CHL1: variants seen among roughly 807,000 people sequenced by gnomAD.
The protein encoded by CHL1 is neural cell adhesion molecule L1-like protein.
A neutral mutation model predicts 141.9 loss-of-function variants in CHL1; 96 were observed. That is an observed-to-expected ratio of 0.68 (90% CI 0.57 to 0.80). The LOEUF is 0.80. Ranked by LOEUF, CHL1 falls within the 30% of genes least tolerant of loss-of-function variation. CHL1 has a pLI of 0.00. For synonymous variants in CHL1, 613 were observed against 502.2 expected (o/e 1.22, Z -2.95); for missense variants, 1,820 against 1,457.2 (o/e 1.25, Z -4.05).
intron 3 of CHL1, among the ~76,000 whole-genome samples, chr3:323,921 T>G (rs1176558856): frequency 1.3e-5 from 2 of 152,142 alleles, no homozygotes; most frequent in Non-Finnish European, 2.9e-5. Flanking sequence ...GTAATGCCCT[T>G]CTTCTCATAA....
At chr3:200,396 T>C (rs1229831726) in intron 1 of CHL1, among the ~76,000 whole-genome samples, 1 of 152,198 alleles carries the variant, frequency 6.6e-6, no homozygotes, top group East Asian at 1.9e-4. Context: ...TGAACTTGTC[T>C]CTGTACTGAG....
intron 2 of CHL1, among the ~76,000 whole-genome samples, chr3:258,636 T>C (rs1480794412): frequency 1.3e-5 from 2 of 152,224 alleles, no homozygotes; most frequent in African/African-American, 4.8e-5. Flanking sequence ...CATGAGATAA[T>C]GTCAGTCCCT....
chr3:222,869 A>G (rs1016918918), intron 1 of CHL1, among the ~76,000 whole-genome samples: 2 of 152,094 alleles, frequency 1.3e-5, no homozygotes, highest in Non-Finnish European at 2.9e-5. Flanking sequence ...TTGGGGTGAA[A>G]TTCTCTGTGT....
intron 13 of CHL1, 75 bp from the exon 14 acceptor site, chr3:363,141 AC>A: frequency 8.4e-7 from 1 of 1,196,398 alleles, no homozygotes; most frequent in African/African-American, 1.5e-5. Context: ...AGCCTGAATG[AC>A]GTCACTGACT....
At chr3:198,888 A>C (rs1271712485) in intron 1 of CHL1, among the ~76,000 whole-genome samples, 3 of 152,220 alleles carry the variant, frequency 2.0e-5, no homozygotes, top group Non-Finnish European at 4.4e-5. Flanking sequence ...AGAGAAACTG[A>C]TCAACTGCCG....
rs1559370343 is a variant in CHL1 at position 406,699 on chromosome 3, A to G, written c.*988A>G. On this transcript the variant is annotated 3_prime_UTR_variant, in exon 28 of 28. Coordinates refer to ENST00000256509, the MANE Select transcript of CHL1 (RefSeq NM_006614.4). Reference sequence around the variant, plus strand: ...CATTAACAGGCATGTTTGTACAGCTAGAATATATTAGTAAGATACTGTTTT... The same window carrying G: ...CATTAACAGGCATGTTTGTACAGCTGGAATATATTAGTAAGATACTGTTTT... The G allele has an allele frequency of 2.0e-5, 3 of 152,270 alleles. No homozygotes were observed. In the East Asian group the frequency reaches 5.8e-4, roughly 29 times the overall value. 9.4% of individuals were successfully genotyped at this position (152,270 alleles called of 1,614,324 possible). A position where few individuals can be genotyped will look rare whatever the true frequency, so the allele number is the denominator to read the frequency against.
chr3:318,977 C>A (rs983000888), intron 2 of CHL1, among the ~76,000 whole-genome samples: 1 of 151,542 alleles, frequency 6.6e-6, no homozygotes, highest in Admixed American at 6.6e-5. Flanking sequence ...TACTACACAG[C>A]CATATAAAGA....
At chr3:242,357 G>C (rs538509885) in intron 1 of CHL1, among the ~76,000 whole-genome samples, 20 of 148,044 alleles carry the variant, frequency 1.4e-4, no homozygotes, top group Non-Finnish European at 2.2e-4. Flanking sequence ...AGCACTTTGG[G>C]AGGCTGAGGG....
chr3:288,811 C>A (rs777774972), intron 2 of CHL1, among the ~76,000 whole-genome samples: 3 of 152,146 alleles, frequency 2.0e-5, no homozygotes, highest in Non-Finnish European at 4.4e-5. Context: ...GTGAAGACAG[C>A]TTATCATTAA....
chr3:292,397 G>A (rs1481968577), intron 2 of CHL1, among the ~76,000 whole-genome samples: 1 of 152,146 alleles, frequency 6.6e-6, no homozygotes, highest in Admixed American at 6.5e-5. Context: ...CTTATGGAAA[G>A]CAAGAATCAG....
At chr3:342,714 C>A (rs1702436066) in intron 7 of CHL1, among the ~76,000 whole-genome samples, 1 of 151,928 alleles carries the variant, frequency 6.6e-6, no homozygotes, top group Non-Finnish European at 1.5e-5. Context: ...TGTAGATATG[C>A]CATGCCAGGG....
At chr3:340,671 G>T in intron 5 of CHL1, 123 bp from the exon 6 acceptor site, 1 of 777,248 alleles carries the variant, frequency 1.3e-6, no homozygotes, top group Non-Finnish European at 2.0e-6. Context: ...GTAAGAACCA[G>T]GATCTGTAGC....
At chr3:401,902 C>A (rs1292283719) in intron 27 of CHL1, among the ~76,000 whole-genome samples, 1 of 152,144 alleles carries the variant, frequency 6.6e-6, no homozygotes, top group Non-Finnish European at 1.5e-5. Flanking sequence ...AAATAATTAC[C>A]GTCTAGGCAG....
At chr3:302,310 G>C (rs1698825636) in intron 2 of CHL1, among the ~76,000 whole-genome samples, 1 of 152,164 alleles carries the variant, frequency 6.6e-6, no homozygotes, top group Non-Finnish European at 1.5e-5. Context: ...GCATCCTTAA[G>C]GAATTGCCAC....
chr3:223,589 T>C (rs1190657537), intron 1 of CHL1, among the ~76,000 whole-genome samples: 1 of 152,226 alleles, frequency 6.6e-6, no homozygotes, highest in Non-Finnish European at 1.5e-5. Context: ...ATGTGAACTA[T>C]CAAAAATTGT....
At chr3:379,019 C>T (rs1706696256) in intron 16 of CHL1, among the ~76,000 whole-genome samples, 1 of 152,148 alleles carries the variant, frequency 6.6e-6, no homozygotes, top group Non-Finnish European at 1.5e-5. Context: ...GCAGACATTC[C>T]TTAAAAGTGT....
chr3:369,836 T>C lies in CHL1; in HGVS notation c.1751+3721T>C, dbSNP rs542680973. Among the ~76,000 whole-genome samples the C allele has an allele frequency of 2.0e-5, 3 of 152,372 alleles. No individual in the cohort carries two copies. In the East Asian group the frequency reaches 5.8e-4, roughly 29 times the overall value. On this transcript the variant is annotated intron_variant, in intron 15 of 27. Transcript: ENST00000256509. Reference sequence around the variant, plus strand: ...ATGATGAATTTTATCAAAGGCCTTTTCTGCATCTATTGAGATAATCATGTG... The same window carrying C: ...ATGATGAATTTTATCAAAGGCCTTTCCTGCATCTATTGAGATAATCATGTG...
chr3:323,974 G>T (rs1041840640), intron 3 of CHL1, among the ~76,000 whole-genome samples: 4 of 152,030 alleles, frequency 2.6e-5, no homozygotes, highest in African/African-American at 9.7e-5. Flanking sequence ...CTTTAACATT[G>T]AATTATTTTA....
At chr3:405,141 A>G (rs1044780651) in intron 27 of CHL1, among the ~76,000 whole-genome samples, 1 of 152,148 alleles carries the variant, frequency 6.6e-6, no homozygotes, top group Non-Finnish European at 1.5e-5. Flanking sequence ...TTAACATAGG[A>G]AGCTTGGGAG....
Sources: allele counts gnomAD v4.1 joint callset (sites outside exome capture counted in the v4.1 genomes callset), GRCh38; gene constraint gnomAD v4.1.1; transcripts MANE v1.5; gene names NCBI Gene and HGNC (gene_info 2026-07-23, HGNC 2026-07-21).